The following CNTNAP2 variants were observed in gnomAD, a reference collection of about 807,000 sequenced individuals.
The protein encoded by CNTNAP2 is contactin-associated protein-like 2.
Under a neutral mutation model 155.2 loss-of-function variants are expected in CNTNAP2, and 98 were observed. The observed-to-expected ratio is 0.63, with a 90% CI of 0.54 to 0.75. The LOEUF (loss-of-function observed/expected upper bound fraction) is 0.75. Ranked by LOEUF, CNTNAP2 falls within the 30% of genes least tolerant of loss-of-function variation. The probability of loss-of-function intolerance (pLI) is 0.00; values close to 1 mark genes in which losing one functional copy is unlikely to be tolerated. For synonymous variants in CNTNAP2, 651 were observed against 631.2 expected (o/e 1.03, Z -0.47); for missense variants, 1,727 against 1,688.1 (o/e 1.02, Z -0.40).
Position 148,419,861 on chromosome 7 carries a change from CT to C in CNTNAP2, c.*4246del, listed in dbSNP as rs1800076224. 6.6e-6 allele frequency: 1 copy of C among 152,214 alleles called. No individual in the cohort carries two copies. Among genetic ancestry groups the C allele is most frequent in the Admixed American group, 6.5e-5 (1 of 15,280 alleles). The allele number at this position is 152,214 out of a possible 1,614,324, so 9.4% of individuals were successfully genotyped here. On this transcript the variant is annotated 3_prime_UTR_variant, in exon 24 of 24. Coordinates refer to ENST00000361727, the MANE Select transcript of CNTNAP2 (RefSeq NM_014141.6). ...CTCCCTGTGTGACCTTGGTCAAGTC[CT>C]CGAACTTTTGTCCCGTATTTAAGAT...
chr7:146,767,098 G>T (rs989606649), intron 1 of CNTNAP2, among the ~76,000 whole-genome samples: 2 of 152,006 alleles, frequency 1.3e-5, no homozygotes, highest in Non-Finnish European at 2.9e-5. Context: ...CAAACTAATT[G>T]TACTTCTCTT....
In CNTNAP2 at chr7:147,818,170, C is replaced by G. The variant is rs188397360; in HGVS notation, c.2099-85395C>G. ...GCTCTGTGATGGTACGAGTAGGCAT[C>G]CTTATTTTATCAAGTATTGTCCTCT... On this transcript the variant is annotated intron_variant, in intron 13 of 23. Transcript: ENST00000361727. Among the ~76,000 whole-genome samples, 11 of 151,892 alleles carry G rather than the reference C, an allele frequency of 7.2e-5. 1 individual carries two copies. In the South Asian group the frequency reaches 1.9e-3, roughly 26 times the overall value.
At chr7:146,362,596 A>G (rs1406942810) in intron 1 of CNTNAP2, among the ~76,000 whole-genome samples, 1 of 152,116 alleles carries the variant, frequency 6.6e-6, no homozygotes, top group Admixed American at 6.6e-5. Flanking sequence ...GCTGGGTGGT[A>G]TGAGTTCAGA....
intron 4 of CNTNAP2, among the ~76,000 whole-genome samples, chr7:147,078,520 G>T (rs1054532008): frequency 2.0e-5 from 3 of 151,968 alleles, no homozygotes; most frequent in African/African-American, 7.2e-5. Context: ...TGAAAGCACA[G>T]ATTTTTTTAA....
intron 16 of CNTNAP2, among the ~76,000 whole-genome samples, chr7:148,137,668 AAAAGGAAGGAAG>A (rs1563211655): frequency 7.8e-6 from 1 of 128,942 alleles, no homozygotes; most frequent in African/African-American, 3.2e-5. Context: ...TCTCAGAAAA[AAAAGGAAGGAAG>A]GAAGGAAGGA....
intron 13 of CNTNAP2, among the ~76,000 whole-genome samples, chr7:147,885,177 A>C (rs1302932293): frequency 6.6e-6 from 1 of 152,168 alleles, no homozygotes; most frequent in African/African-American, 2.4e-5. Context: ...TAATGTCATC[A>C]ATTTTATTTT....
intron 15 of CNTNAP2, among the ~76,000 whole-genome samples, chr7:148,110,641 G>A (rs912708562): frequency 1.3e-5 from 2 of 152,200 alleles, no homozygotes; most frequent in African/African-American, 4.8e-5. Flanking sequence ...CAGGTGGGAA[G>A]CAAGCTGTGG....
intron 13 of CNTNAP2, among the ~76,000 whole-genome samples, chr7:147,889,374 A>G (rs913781221): frequency 3.3e-5 from 5 of 152,130 alleles, no homozygotes. Flanking sequence ...TATGTGCTGT[A>G]CACAAGAGAT....
chr7:147,851,886 G>C lies in CNTNAP2; in HGVS notation c.2099-51679G>C, dbSNP rs529384453. Among the ~76,000 whole-genome samples the C allele has an allele frequency of 2.0e-5, 3 of 152,050 alleles. 1 individual carries two copies. The South Asian group carries it at 6.2e-4, about 32-fold the overall frequency. On this transcript the variant is annotated intron_variant, in intron 13 of 23. Transcript: ENST00000361727. Reference sequence around the variant, plus strand: ...TAATAAACCTGCACGTTGTGCATATGTACCCTAGAACTTAAAATATAATAA... The same window carrying C: ...TAATAAACCTGCACGTTGTGCATATCTACCCTAGAACTTAAAATATAATAA...
chr7:146,644,852 C>A (rs1325232933), intron 1 of CNTNAP2, among the ~76,000 whole-genome samples: 1 of 152,008 alleles, frequency 6.6e-6, no homozygotes, highest in South Asian at 2.1e-4. Context: ...GCTTACCAAC[C>A]AAAACGAGTC....
intron 17 of CNTNAP2, among the ~76,000 whole-genome samples, chr7:148,171,412 C>T (rs1805791946): frequency 6.6e-6 from 1 of 152,144 alleles, no homozygotes; most frequent in Admixed American, 6.5e-5. Context: ...TCCTTTTATA[C>T]CAGCTGCTTT....
chr7:147,497,778 A>G (rs952663026), intron 11 of CNTNAP2, among the ~76,000 whole-genome samples: 3 of 152,196 alleles, frequency 2.0e-5, no homozygotes, highest in Non-Finnish European at 4.4e-5. Context: ...CTGAGATAAT[A>G]AAACCTGCAT....
chr7:147,190,188 T>A (rs1802654621), intron 8 of CNTNAP2, among the ~76,000 whole-genome samples: 1 of 152,166 alleles, frequency 6.6e-6, no homozygotes, highest in South Asian at 2.1e-4. Flanking sequence ...AACATTCTCT[T>A]CATGACCATT....
chr7:147,856,135 G>A (rs183142801), intron 13 of CNTNAP2, among the ~76,000 whole-genome samples: 25 of 152,234 alleles, frequency 1.6e-4, no homozygotes, highest in African/African-American at 4.8e-4. Flanking sequence ...ACATTTCTCA[G>A]TTCTTCAACC....
intron 13 of CNTNAP2, among the ~76,000 whole-genome samples, chr7:147,874,111 G>A (rs1032608743): frequency 9.2e-5 from 14 of 152,172 alleles, no homozygotes; most frequent in South Asian, 2.1e-4. Context: ...GGCGTTGAAC[G>A]TCTACAGCAT....
At chr7:147,306,929 G>A (rs759931390) in intron 9 of CNTNAP2, among the ~76,000 whole-genome samples, 10 of 152,124 alleles carry the variant, frequency 6.6e-5, no homozygotes, top group Non-Finnish European at 1.3e-4. Flanking sequence ...CACAAAGAGT[G>A]CAATTAAAAG....
intron 1 of CNTNAP2, among the ~76,000 whole-genome samples, chr7:146,359,328 C>T (rs1860681): frequency 0.15 from 22,637 of 152,204 alleles, 4,330 homozygotes; most frequent in African/African-American, 0.44. Flanking sequence ...AGACATGAAT[C>T]AAGTTACTTT....
chr7:146,865,454 T>C (rs1242903708), intron 3 of CNTNAP2, among the ~76,000 whole-genome samples: 1 of 152,116 alleles, frequency 6.6e-6, no homozygotes, highest in Non-Finnish European at 1.5e-5. Flanking sequence ...AATATAAATA[T>C]ATAGATGAAG....
chr7:147,885,283 C>T (rs1799585441), intron 13 of CNTNAP2, among the ~76,000 whole-genome samples: 1 of 152,146 alleles, frequency 6.6e-6, no homozygotes, highest in Non-Finnish European at 1.5e-5. Flanking sequence ...TCTGGACTCT[C>T]CTGGTCGTGT....
Sources: allele counts gnomAD v4.1 joint callset (sites outside exome capture counted in the v4.1 genomes callset), GRCh38; gene constraint gnomAD v4.1.1; transcripts MANE v1.5; gene names NCBI Gene and HGNC (gene_info 2026-07-23, HGNC 2026-07-21).